Variants in SV2C observed in about 807,000 individuals in gnomAD.
SV2C encodes the protein synaptic vesicle glycoprotein 2C, also known as solute carrier family 22 member B3.
A neutral mutation model predicts 79.7 loss-of-function variants in SV2C; 49 were observed. The observed-to-expected ratio is 0.61, with a 90% CI of 0.49 to 0.78. SV2C has a LOEUF of 0.78. Ranked by LOEUF, SV2C falls within the 30% of genes least tolerant of loss-of-function variation. The pLI, the probability that SV2C is intolerant of heterozygous loss-of-function variation, is 0.00. For missense variants in SV2C, 833 were observed against 912.9 expected, an observed-to-expected ratio of 0.91 and a Z score of 1.13; for synonymous variants, 334 against 333.2, an observed-to-expected ratio of 1.00 and a Z score of -0.03.
intron 2 of SV2C, among the ~76,000 whole-genome samples, chr5:76,179,197 T>C (rs12153073): frequency 0.69 from 105,173 of 152,102 alleles, 37,505 homozygotes; most frequent in East Asian, 0.97. Flanking sequence ...TCAAGGTACA[T>C]GATTTGGATG....
the SV2C span, among the ~76,000 whole-genome samples, chr5:75,882,924 T>C: frequency 1.3e-5 from 2 of 150,734 alleles, no homozygotes; most frequent in African/African-American, 2.4e-5. Context: ...TGGGAGAAAA[T>C]TTTCGCAACC....
the SV2C span, among the ~76,000 whole-genome samples, chr5:75,985,549 A>T: frequency 6.6e-6 from 1 of 151,994 alleles, no homozygotes; most frequent in Non-Finnish European, 1.5e-5. Flanking sequence ...CACTATTACC[A>T]GAAATATACA....
chr5:75,999,652 CTTT>C, the SV2C span, among the ~76,000 whole-genome samples: 1 of 148,862 alleles, frequency 6.7e-6, no homozygotes, highest in Non-Finnish European at 1.5e-5. Flanking sequence ...TCTTCTCTGC[CTTT>C]TTTTTTTTTT....
chr5:75,876,452 A>G, the SV2C span, among the ~76,000 whole-genome samples: 1 of 152,110 alleles, frequency 6.6e-6, no homozygotes, highest in Non-Finnish European at 1.5e-5. Context: ...GAGGAGCAGA[A>G]AAGATGACTA....
the SV2C span, chr5:75,911,970 C>G: frequency 5.9e-6 from 2 of 340,034 alleles, no homozygotes; most frequent in South Asian, 5.3e-5. Flanking sequence ...GCAACCATCC[C>G]TGGGTTCTCA....
the SV2C span, among the ~76,000 whole-genome samples, chr5:75,914,581 T>C: frequency 6.6e-5 from 10 of 152,274 alleles, no homozygotes; most frequent in African/African-American, 1.9e-4. Flanking sequence ...ATTTTGTGAA[T>C]TGGTTCAGTG....
the SV2C span, among the ~76,000 whole-genome samples, chr5:75,894,676 A>T: frequency 6.6e-6 from 1 of 152,162 alleles, no homozygotes; most frequent in Non-Finnish European, 1.5e-5. Flanking sequence ...ATTGTTAAAT[A>T]TCCTAGCAAC....
At chr5:75,994,740 T>C in the SV2C span, among the ~76,000 whole-genome samples, 1 of 152,126 alleles carries the variant, frequency 6.6e-6, no homozygotes, top group South Asian at 2.1e-4. Flanking sequence ...CGTACAGCTA[T>C]GTAAGAGGAG....
the SV2C span, among the ~76,000 whole-genome samples, chr5:75,988,411 C>CA: frequency 6.6e-6 from 1 of 151,912 alleles, no homozygotes; most frequent in Non-Finnish European, 1.5e-5. Flanking sequence ...AACTATTTAT[C>CA]ATAGTATTTT....
rs202144317 is a variant in SV2C at position 76,195,028 on chromosome 5, C to A, written c.690C>A (p.Phe230Leu). The change falls in exon 3 of 13, where the codon TTC becomes TTA. Residue 230 changes from phenylalanine (F) to leucine (L), a missense_variant. Transcript: ENST00000502798. Reference protein sequence around the residue: ...SLLICMSVNGFFAFLSSFVQG... With the variant: ...SLLICMSVNGLFAFLSSFVQG... ...TGATTTGCATGTCTGTCAACGGATTCTTTGCCTTCCTTTCTTCATTTGTCC... is the reference window on the plus strand; with the variant it reads ...TGATTTGCATGTCTGTCAACGGATTATTTGCCTTCCTTTCTTCATTTGTCC... 1.1e-4 allele frequency: 181 copies of A among 1,614,110 alleles called. No homozygotes were observed. The African/African-American group carries it at 2.3e-3, about 20-fold the overall frequency.
At chr5:75,975,276 T>C in the SV2C span, among the ~76,000 whole-genome samples, 1 of 152,176 alleles carries the variant, frequency 6.6e-6, no homozygotes, top group Non-Finnish European at 1.5e-5. Flanking sequence ...TATGTATTTT[T>C]ATGGTTTTAA....
At chr5:75,987,041 T>C in the SV2C span, among the ~76,000 whole-genome samples, 1 of 151,962 alleles carries the variant, frequency 6.6e-6, no homozygotes. Flanking sequence ...ATGCTCTCCA[T>C]ATCAACCTAG....
At chr5:76,095,861 G>C (rs1408975191) in intron 1 of SV2C, among the ~76,000 whole-genome samples, 1 of 152,030 alleles carries the variant, frequency 6.6e-6, no homozygotes. Flanking sequence ...CAAAACTGTT[G>C]ATAAAAAAAT....
the SV2C span, among the ~76,000 whole-genome samples, chr5:75,984,215 A>G: frequency 6.6e-6 from 1 of 152,194 alleles, no homozygotes; most frequent in African/African-American, 2.4e-5. Context: ...TGGAGGTAGA[A>G]TTAGGATCTA....
At chr5:76,209,662 T>C in intron 3 of SV2C, 74 bp from the exon 4 acceptor site, 1 of 1,474,236 alleles carries the variant, frequency 6.8e-7, no homozygotes, top group South Asian at 1.4e-5. Flanking sequence ...TAGAGTTTGC[T>C]TTGGCTCTGC....
intron 4 of SV2C, among the ~76,000 whole-genome samples, chr5:76,273,560 C>T (rs958422324): frequency 2.6e-5 from 4 of 152,194 alleles, no homozygotes; most frequent in Middle Eastern, 3.4e-3. Context: ...TTCGAAAGCA[C>T]GGTTAGGGTC....
At chr5:75,874,958 A>G in the SV2C span, among the ~76,000 whole-genome samples, 1 of 152,218 alleles carries the variant, frequency 6.6e-6, no homozygotes, top group Non-Finnish European at 1.5e-5. Flanking sequence ...GGAAGAGCCA[A>G]TATTGTTAAA....
the SV2C span, among the ~76,000 whole-genome samples, chr5:75,926,324 A>G: frequency 6.6e-6 from 1 of 152,230 alleles, no homozygotes; most frequent in Non-Finnish European, 1.5e-5. Context: ...TGAAAAAATT[A>G]TCAAATATAA....
chr5:76,005,366 A>G, the SV2C span, among the ~76,000 whole-genome samples: 25 of 152,354 alleles, frequency 1.6e-4, no homozygotes, highest in Non-Finnish European at 2.8e-4. Flanking sequence ...TTCCAAAATA[A>G]TTTATGCAAA....
Sources: gnomAD v4.1 joint callset for allele counts (sites outside exome capture counted in the v4.1 genomes callset) on GRCh38, gnomAD v4.1.1 for gene constraint, MANE v1.5 for transcripts, NCBI Gene and HGNC (gene_info 2026-07-23, HGNC 2026-07-21) for gene names.